ZNF668: variants seen among roughly 807,000 people sequenced by gnomAD.
ZNF668 encodes the protein zinc finger protein 668.
Under a neutral mutation model 40.3 loss-of-function variants are expected in ZNF668, and 10 were observed. The ratio of observed to expected loss-of-function variants is 0.25; its 90% CI spans 0.15 to 0.42. The LOEUF is 0.42. Ranked by LOEUF, ZNF668 falls within the 10% of genes least tolerant of loss-of-function variation. The pLI is 1.00. For missense variants in ZNF668, 749 were observed against 904.6 expected (o/e 0.83, Z 2.21); for synonymous variants, 428 against 384.6 (o/e 1.11, Z -1.32).
Position 31,073,683 on chromosome 16 carries a change from TGGCGTC to T in ZNF668, c.-53_-48del, listed in dbSNP as rs1183395274. 2.6e-5 allele frequency: 4 copies of T among 152,102 alleles called. No individual in the cohort carries two copies. Among genetic ancestry groups the T allele is most frequent in the African/African-American group, 7.2e-5 (3 of 41,400 alleles). 9.4% of individuals were successfully genotyped at this position (152,102 alleles called of 1,614,324 possible). On this transcript the variant is annotated 5_prime_UTR_variant, in exon 1 of 3. Coordinates refer to ENST00000300849, the MANE Select transcript of ZNF668 (RefSeq NM_024706.5). ...CCTGATGAGACTTGTGCTGACTCCG[TGGCGTC>T]GGCGTCGGCTCCTCGCACCGACGGA...
chr16:31,065,131 C>T, intron 1 of ZNF668: 1 of 1,004,482 alleles, frequency 1.0e-6, no homozygotes, highest in Non-Finnish European at 1.2e-6. Flanking sequence ...GTTCCCACAA[C>T]TCTGGTAATG....
At chr16:31,071,041 T>C (rs1422733008) in intron 1 of ZNF668, among the ~76,000 whole-genome samples, 2 of 151,078 alleles carry the variant, frequency 1.3e-5, no homozygotes, top group East Asian at 2.0e-4. Flanking sequence ...TTTTGTATTT[T>C]TAGTAGAGAT....
rs34949667 is a variant in ZNF668, at chr16:31,064,418, G to C, written c.42C>G (p.Gly14=). 1.6e-5 allele frequency: 26 copies of C among 1,612,918 alleles called. No homozygotes were observed. In the African/African-American group the frequency reaches 2.4e-4, roughly 15 times the overall value. The change falls in exon 2 of 3, where the codon GGC becomes GGG. Residue 14 remains glycine (G), a synonymous_variant. Coordinates refer to ENST00000300849, the MANE Select transcript of ZNF668 (RefSeq NM_024706.5). ...TGTAGCGGCGGCCCGAGCGCTTGTAGCCGGGGGCTGGGGACCGGGCCTCTG... is the reference window on the plus strand; with the variant it reads ...TGTAGCGGCGGCCCGAGCGCTTGTACCCGGGGGCTGGGGACCGGGCCTCTG... The part of the protein sequence containing the change: ...EAAEARSPAP[G]YKRSGRRYKC...
At chr16:31,062,590 C>T (rs942509720) in intron 2 of ZNF668, 5 of 285,936 alleles carry the variant, frequency 1.7e-5, no homozygotes, top group Non-Finnish European at 3.3e-5. Context: ...CGGTGAAACC[C>T]CGTCTCTACT....
Position 31,060,978 on chromosome 16 carries a change from G to A in ZNF668, c.*90C>T. 3 of 1,363,014 alleles carry A rather than the reference G, an allele frequency of 2.2e-6. No homozygotes were observed. The highest frequency in any genetic ancestry group is 2.9e-6 in the Non-Finnish European group (3 of 1,046,682). 84.4% of individuals were successfully genotyped at this position (1,363,014 alleles called of 1,614,324 possible). On this transcript the variant is annotated 3_prime_UTR_variant, in exon 3 of 3. Coordinates refer to ENST00000300849, the MANE Select transcript of ZNF668 (RefSeq NM_024706.5). The stretch of plus-strand genomic sequence containing the variant: ...AGTTGCTGAGGGGTAGGGATCTGGA[G>A]TCTAAAGAGCAGAGCCAGGCAAAAG...
intron 1 of ZNF668, among the ~76,000 whole-genome samples, chr16:31,066,988 C>T (rs528890639): frequency 6.6e-6 from 1 of 151,666 alleles, no homozygotes; most frequent in African/African-American, 2.4e-5. Flanking sequence ...CAAGACAAGG[C>T]GGGTGGATCC....
chr16:31,072,826 T>C (rs2057025708), intron 1 of ZNF668: 1 of 152,354 alleles, frequency 6.6e-6, no homozygotes, highest in Non-Finnish European at 1.5e-5. Flanking sequence ...CACCTCTAGA[T>C]GCAGTTTCCT....
Position 31,061,835 on chromosome 16 carries a change from G to T in ZNF668, c.1093C>A (p.Arg365Ser), listed in dbSNP as rs568927051. The T allele has an allele frequency of 6.2e-7, 1 of 1,613,006 alleles. No homozygotes were observed. The highest frequency in any genetic ancestry group is 1.3e-5 in the African/African-American group (1 of 75,034). The part of the protein sequence containing the change: ...ALVHSGQRPF[R>S]CEECGRAFAE... Reference sequence around the variant, plus strand: ...AAGGCTCGCCCGCACTCCTCACAGCGGAAGGGCCGCTGGCCAGAGTGCACC... The same window carrying T: ...AAGGCTCGCCCGCACTCCTCACAGCTGAAGGGCCGCTGGCCAGAGTGCACC... The change falls in exon 3 of 3, where the codon CGC (arginine) becomes AGC (serine). Residue 365 changes from arginine to serine, a missense_variant. Arg to Ser is a moderately radical substitution (Grantham distance 110). Transcript: ENST00000300849. This position sits in a 1 kb window ranked among gnomAD's most constrained non-coding sequence, Gnocchi z 7.7.
intron 1 of ZNF668, among the ~76,000 whole-genome samples, chr16:31,071,253 A>G (rs986641360): frequency 6.6e-6 from 1 of 151,420 alleles, no homozygotes; most frequent in Non-Finnish European, 1.5e-5. Flanking sequence ...TGCAGCCTCC[A>G]CCTCCCGGAT....
intron 1 of ZNF668, 147 bp from the exon 2 acceptor site, chr16:31,064,628 G>A (rs1413926329): frequency 3.3e-6 from 5 of 1,537,082 alleles, no homozygotes; most frequent in Non-Finnish European, 4.4e-6. Context: ...TCCTGCGTTC[G>A]TTTCCTCCCT....
intron 1 of ZNF668, among the ~76,000 whole-genome samples, chr16:31,070,908 C>T (rs2057012281): frequency 6.6e-6 from 1 of 152,036 alleles, no homozygotes; most frequent in Admixed American, 6.6e-5. Context: ...GTTGCCCAGG[C>T]TGGAGTGCAA....
chr16:31,069,920 GC>G (rs1429103952), intron 1 of ZNF668, among the ~76,000 whole-genome samples: 3 of 151,630 alleles, frequency 2.0e-5, no homozygotes, highest in Non-Finnish European at 1.5e-5. Context: ...GACTACAGGT[GC>G]CCGCCACCAC....
rs945911982 is a variant in ZNF668, at chr16:31,066,155, T to G, written c.-22-1674A>C. The G allele has an allele frequency of 2.6e-5, 26 of 985,238 alleles. No individual in the cohort carries two copies. In the East Asian group the frequency reaches 2.5e-3, roughly 95 times the overall value. 61.0% of individuals were successfully genotyped at this position (985,238 alleles called of 1,614,324 possible). A position where few individuals can be genotyped will look rare whatever the true frequency, so the allele number is the denominator to read the frequency against. ...ACGCTGCCCTCCCTCCCCAACCCCA[T>G]GCAGCCGGTCTTCTCCCAAAAGTAA... On this transcript the variant is annotated intron_variant, in intron 1 of 2. Transcript: ENST00000300849.
chr16:31,061,943 C>G lies in ZNF668; in HGVS notation c.985G>C (p.Val329Leu). The G allele has an allele frequency of 6.2e-7, 1 of 1,613,604 alleles. No individual in the cohort carries two copies. Among genetic ancestry groups the G allele is most frequent in the Non-Finnish European group, 8.5e-7 (1 of 1,179,822 alleles). The part of the protein sequence containing the change: ...QPADLAMHRR[V>L]HTGDRPFKCL... ...TTGAACGGCCGGTCGCCTGTGTGCA[C>G]ACGCCGGTGCATGGCCAGGTCCGCC... The change falls in exon 3 of 3, where the codon GTG (valine) becomes CTG (leucine). Residue 329 changes from valine to leucine, a missense_variant. Physicochemically the swap from Val to Leu is conservative, Grantham distance 32. This residue lies in a region of ZNF668 where 129 missense variants were observed against 231.2 expected (regional missense o/e 0.56). Transcript: ENST00000300849. The surrounding 1 kb of genome is among the most constrained non-coding windows in gnomAD (Gnocchi z 7.7).
chr16:31,061,415 C>A lies in ZNF668; in HGVS notation c.1513G>T (p.Gly505Trp), dbSNP rs774750178. The A allele has an allele frequency of 6.2e-7, 1 of 1,613,958 alleles. No individual in the cohort carries two copies. Among genetic ancestry groups the A allele is most frequent in the South Asian group, 1.1e-5 (1 of 91,082 alleles). Reference sequence around the variant, plus strand: ...GGCTTCTCGTCAGCCTCCTCACCCCCCGCCTCGCCTGCCCCTTCCAAGGGA... The same window carrying A: ...GGCTTCTCGTCAGCCTCCTCACCCCACGCCTCGCCTGCCCCTTCCAAGGGA... ...PGPLEGAGEA[G>W]GEEADEKPPQ... Residue 505 changes from glycine to tryptophan, a missense_variant, in exon 3 of 3, where the codon GGG becomes TGG. Coordinates refer to ENST00000300849, the MANE Select transcript of ZNF668 (RefSeq NM_024706.5). This position sits in a 1 kb window ranked among gnomAD's most constrained non-coding sequence, Gnocchi z 7.7.
chr16:31,064,490 G>A lies in ZNF668; in HGVS notation c.-22-9C>T, dbSNP rs755949767. Reference sequence around the variant, plus strand: ...TGGTGAACGGGGTTTCTCTGCAAGAGAAGCAAAGTTAGACCAAAGCCACAT... The same window carrying A: ...TGGTGAACGGGGTTTCTCTGCAAGAAAAGCAAAGTTAGACCAAAGCCACAT... On this transcript the variant is annotated splice_polypyrimidine_tract_variant and intron_variant, in intron 1 of 2. Transcript: ENST00000300849. The A allele has an allele frequency of 6.2e-7, 1 of 1,603,852 alleles. No individual in the cohort carries two copies. The highest frequency in any genetic ancestry group is 8.5e-7 in the Non-Finnish European group (1 of 1,179,836).
chr16:31,073,178 G>A (rs911880161), intron 1 of ZNF668: 2 of 152,394 alleles, frequency 1.3e-5, no homozygotes, highest in Non-Finnish European at 2.9e-5. Context: ...GGCTTCGGAG[G>A]ACGTGGCAAG....
Position 31,062,028 on chromosome 16 carries a change from G to A in ZNF668, c.900C>T (p.Arg300=), listed in dbSNP as rs367978485. 1.2e-6 allele frequency: 2 copies of A among 1,613,680 alleles called. No individual in the cohort carries two copies. The highest frequency in any genetic ancestry group is 2.2e-5 in the South Asian group (2 of 91,072). ...GGTATGGCTTCACCCCTTCATGGGCGCGCTGGTGGCGACGGAAGCTCGAGG... is the reference window on the plus strand; with the variant it reads ...GGTATGGCTTCACCCCTTCATGGGCACGCTGGTGGCGACGGAAGCTCGAGG... ...SDPSSFRRHQ[R]AHEGVKPYHC... The change falls in exon 3 of 3, where the codon CGC becomes CGT. Residue 300 remains arginine, a synonymous_variant. Coordinates refer to ENST00000300849, the MANE Select transcript of ZNF668 (RefSeq NM_024706.5).
intron 1 of ZNF668, chr16:31,073,175 G>A (rs1220733666): frequency 6.6e-6 from 1 of 152,392 alleles, no homozygotes; most frequent in Non-Finnish European, 1.5e-5. Context: ...CGTGGCTTCG[G>A]AGGACGTGGC....
Sources: gnomAD v4.1 joint callset for allele counts (sites outside exome capture counted in the v4.1 genomes callset) on GRCh38, gnomAD v4.1.1 for gene constraint, gnomAD v4.1.1 regional missense constraint, Gnocchi (gnomAD v3.1) non-coding constraint, MANE v1.5 for transcripts, NCBI Gene and HGNC (gene_info 2026-07-23, HGNC 2026-07-21) for gene names.